OPHN1: variants seen among roughly 807,000 people sequenced by gnomAD.
OPHN1 encodes the protein oligophrenin 1, also known as oligophrenin-1.
A neutral mutation model predicts 60.7 loss-of-function variants in OPHN1; 11 were observed. The observed-to-expected ratio is 0.18, with a 90% CI of 0.11 to 0.30. The LOEUF (loss-of-function observed/expected upper bound fraction) is 0.30, where lower values mean the gene tolerates loss of function less well. OPHN1 is among the 10% of genes least tolerant of loss of function. The pLI, the probability that OPHN1 is intolerant of heterozygous loss-of-function variation, is 1.00. For synonymous variants in OPHN1, 226 were observed against 222.6 expected (o/e 1.02, Z -0.14); for missense variants, 449 against 611.0 (o/e 0.73, Z 2.80).
chrX:68,426,109 G>A (rs950975926), intron 2 of OPHN1, among the ~76,000 whole-genome samples: 7 of 111,161 alleles, frequency 6.3e-5, no homozygotes, highest in Admixed American at 1.9e-4. Flanking sequence ...TGGGATTACA[G>A]GCGTGAGTCA....
chrX:68,330,169 G>A (rs1006181250), intron 2 of OPHN1, among the ~76,000 whole-genome samples: 3 of 107,962 alleles, frequency 2.8e-5, no homozygotes, highest in Admixed American at 1.0e-4. Flanking sequence ...GCAAGATCTC[G>A]GCTCACAGCA....
chrX:68,370,165 A>G (rs923369492), intron 2 of OPHN1, among the ~76,000 whole-genome samples: 1 of 106,650 alleles, frequency 9.4e-6, no homozygotes, highest in Non-Finnish European at 1.9e-5. Context: ...CCTGCCCTAC[A>G]AGAAATGCTA....
At chrX:68,132,719 A>T (rs1225741238) in intron 15 of OPHN1, 11 of 114,955 alleles carry the variant, frequency 9.6e-5, no homozygotes, top group Non-Finnish European at 1.8e-4. Context: ...ATAATAATAA[A>T]ATGTTGAGAT....
chrX:68,187,917 G>A (rs1298876203), intron 15 of OPHN1, among the ~76,000 whole-genome samples: 3 of 111,856 alleles, frequency 2.7e-5, no homozygotes, highest in East Asian at 5.6e-4. Context: ...GTGAGCCACC[G>A]TGCCCAGCCA....
At chrX:68,187,267 TA>T (rs1176845363) in intron 15 of OPHN1, among the ~76,000 whole-genome samples, 2 of 111,580 alleles carry the variant, frequency 1.8e-5, no homozygotes, top group Admixed American at 9.5e-5. Context: ...AAAGGAGAAT[TA>T]AGGTTACAGA....
At position 68,217,650 on chromosome X, in the gene OPHN1, C is replaced by T. The variant is rs377257130; in HGVS notation, c.487-3678G>A. ...ACCCCCAAGCAGCCTAACTGGGAGGCACCCCCCAGCAGGGACATACTGACA... is the reference window on the plus strand; with the variant it reads ...ACCCCCAAGCAGCCTAACTGGGAGGTACCCCCCAGCAGGGACATACTGACA... On this transcript the variant is annotated intron_variant, in intron 6 of 24. Transcript: ENST00000355520. 4.1e-4 allele frequency among the ~76,000 whole-genome samples: 45 copies of T among 110,889 alleles called. No individual in the cohort carries two copies. In the East Asian group the frequency reaches 8.7e-3, roughly 21 times the overall value.
intron 10 of OPHN1, among the ~76,000 whole-genome samples, chrX:68,203,587 C>A (rs946345364): frequency 1.8e-5 from 2 of 111,675 alleles, no homozygotes; most frequent in Non-Finnish European, 3.8e-5. Flanking sequence ...GTCACAGACT[C>A]ACTCTATCTC....
chrX:68,053,874 G>A (rs2076862409), intron 21 of OPHN1, 64 bp from the exon 22 acceptor site: 2 of 1,137,702 alleles, frequency 1.8e-6, no homozygotes, highest in Non-Finnish European at 2.4e-6. Flanking sequence ...CTCATGAGCA[G>A]GCACCCAATA....
In OPHN1 at chrX:68,299,056, C is replaced by T; in HGVS notation, c.195G>A (p.Gln65=). 1 of 1,194,645 alleles carries T rather than the reference C, an allele frequency of 8.4e-7. No individual in the cohort carries two copies. Among genetic ancestry groups the T allele is most frequent in the Non-Finnish European group, 1.1e-6 (1 of 882,726 alleles). Residue 65 remains glutamine (Q), a synonymous_variant, in exon 3 of 25, where the codon CAG becomes CAA. Coordinates refer to ENST00000355520, the MANE Select transcript of OPHN1 (RefSeq NM_002547.3). ...SAVQKFSQTL[Q]SFQFDFIGDT... ...CTCCAATGAAATCAAACTGAAATGA[C>T]TGCAGCGTCTGGGAAAATTTCTGAA...
intron 2 of OPHN1, among the ~76,000 whole-genome samples, chrX:68,422,576 A>G (rs1161066997): frequency 1.1e-5 from 1 of 94,127 alleles, no homozygotes; most frequent in Non-Finnish European, 2.1e-5. Flanking sequence ...GGAAAGAAAG[A>G]AGGGAGGGAA....
intron 2 of OPHN1, among the ~76,000 whole-genome samples, chrX:68,394,874 G>T (rs1187542880): frequency 8.9e-6 from 1 of 111,764 alleles, no homozygotes; most frequent in African/African-American, 3.2e-5. Context: ...CTCAACTCCT[G>T]ACCTCAAGTG....
At chrX:68,121,033 A>G (rs1456559790) in intron 15 of OPHN1, among the ~76,000 whole-genome samples, 1 of 112,414 alleles carries the variant, frequency 8.9e-6, no homozygotes, top group Admixed American at 9.4e-5. Context: ...AAACCATAAA[A>G]CTACTAGAAG....
chrX:68,044,176 T>A lies in OPHN1; in HGVS notation c.*2996A>T, dbSNP rs971002258. 4.4e-5 allele frequency: 5 copies of A among 112,511 alleles called. No homozygotes were observed. Among genetic ancestry groups the A allele is most frequent in the African/African-American group, 1.6e-4 (5 of 30,933 alleles). The allele number at this position is 112,511 out of a possible 1,213,427, so 9.3% of individuals were successfully genotyped here. ...CTGCACCCCCTCCCTCCTTCAAATG[T>A]TTGCCTTTCAATATTTTGTTAGGCA... On this transcript the variant is annotated 3_prime_UTR_variant, in exon 25 of 25. Coordinates refer to ENST00000355520, the MANE Select transcript of OPHN1 (RefSeq NM_002547.3).
At chrX:68,321,945 T>A (rs749682922) in intron 2 of OPHN1, among the ~76,000 whole-genome samples, 1 of 104,912 alleles carries the variant, frequency 9.5e-6, no homozygotes, top group Non-Finnish European at 1.9e-5. Context: ...CCAAACATAT[T>A]TTACATTCTA....
chrX:68,391,456 C>T (rs1268634798), intron 2 of OPHN1, among the ~76,000 whole-genome samples: 2 of 110,712 alleles, frequency 1.8e-5, no homozygotes, highest in Non-Finnish European at 3.8e-5. Context: ...TTTGTCTTAC[C>T]CTTGTCCGTC....
intron 15 of OPHN1, among the ~76,000 whole-genome samples, chrX:68,161,693 T>C (rs1189479645): frequency 1.8e-5 from 2 of 111,410 alleles, no homozygotes; most frequent in Admixed American, 9.6e-5. Flanking sequence ...AATATGTATA[T>C]GCCCTAGGTC....
intron 5 of OPHN1, among the ~76,000 whole-genome samples, chrX:68,249,729 C>T (rs2077824068): frequency 9.0e-6 from 1 of 111,362 alleles, no homozygotes; most frequent in South Asian, 3.8e-4. Context: ...CACCAGTCCC[C>T]GAGGATCCCA....
intron 2 of OPHN1, among the ~76,000 whole-genome samples, chrX:68,317,639 G>A (rs1470534704): frequency 1.4e-5 from 1 of 72,528 alleles, no homozygotes; most frequent in African/African-American, 6.8e-5. Flanking sequence ...GAAAAGAAAA[G>A]AAAAAGAAGA....
chrX:68,125,962 C>CATACAT (rs1475479383), intron 15 of OPHN1, among the ~76,000 whole-genome samples: 4 of 25,076 alleles, frequency 1.6e-4, no homozygotes, highest in Non-Finnish European at 4.0e-4. Context: ...TATATACATA[C>CATACAT]ACACACACAC....
Sources: allele counts gnomAD v4.1 joint callset (sites outside exome capture counted in the v4.1 genomes callset), GRCh38; gene constraint gnomAD v4.1.1; transcripts MANE v1.5; gene names NCBI Gene and HGNC (gene_info 2026-07-23, HGNC 2026-07-21).